Variants in SYNE1 observed in about 807,000 individuals in gnomAD.
The protein encoded by SYNE1 is nesprin-1.
A neutral mutation model predicts 1,111.0 loss-of-function variants in SYNE1; 616 were observed. That is an observed-to-expected ratio of 0.55 (90% CI 0.52 to 0.59). The LOEUF is 0.59. Among genes scored for constraint, SYNE1 ranks in the 20% least tolerant of loss-of-function variants. The pLI is 0.00. For missense variants in SYNE1, 10,006 were observed against 10,417.0 expected (o/e 0.96, Z 1.72); for synonymous variants, 3,855 against 3,825.8 (o/e 1.01, Z -0.28).
intron 117 of SYNE1, among the ~76,000 whole-genome samples, chr6:152,222,167 C>A (rs1233552206): frequency 3.3e-5 from 5 of 152,182 alleles, no homozygotes; most frequent in Non-Finnish European, 7.3e-5. Context: ...GGGATAGGGA[C>A]TGCGTTAGGG....
At chr6:152,455,267 C>T in intron 24 of SYNE1, among the ~76,000 whole-genome samples, 159 bp downstream of exon 24, 1 of 152,328 alleles carries the variant, frequency 6.6e-6, no homozygotes, top group South Asian at 2.1e-4. Flanking sequence ...GTTCTTTTTG[C>T]TCACCATATC....
At chr6:152,528,604 C>G (rs533835118) in intron 4 of SYNE1, among the ~76,000 whole-genome samples, 3 of 152,206 alleles carry the variant, frequency 2.0e-5, no homozygotes, top group African/African-American at 7.2e-5. Context: ...GGTCATAGTG[C>G]TGAAGGTCAA....
rs148247543 is a variant in SYNE1, at chr6:152,242,285, G to A, written c.19848C>T (p.Ile6616=). ...GCTGGATTTCCTCTTTGGAAGACAC[G>A]ATGATTTTCTGGTCTCCTGCCATCT... ...QEKMAGDQKI[I]VSSKEEIQQL... Residue 6616 remains isoleucine (I), a synonymous_variant, in exon 107 of 146, where the codon ATC becomes ATT. Transcript: ENST00000367255. 1.3e-5 allele frequency: 21 copies of A among 1,614,006 alleles called. No homozygotes were observed. Among genetic ancestry groups the A allele is most frequent in the African/African-American group, 1.1e-4 (8 of 74,976 alleles).
In SYNE1 at chr6:152,331,461, T is replaced by A. The variant is rs2096246403; in HGVS notation, c.13224A>T (p.Ala4408=). Residue 4408 remains alanine, a synonymous_variant, in exon 78 of 146, where the codon GCA becomes GCT. Coordinates refer to ENST00000367255, the MANE Select transcript of SYNE1 (RefSeq NM_182961.4). The part of the protein sequence containing the change: ...QMLLKSLIKD[A]DRVMADLGLN... ...GACCAAGATCTGCCATGACCCTGTC[T>A]GCGTCCTTTATAAGCGATTTCAGGA... The A allele has an allele frequency of 6.2e-7, 1 of 1,614,068 alleles. No homozygotes were observed. Among genetic ancestry groups the A allele is most frequent in the East Asian group, 2.2e-5 (1 of 44,890 alleles).
At chr6:152,472,472 A>T in intron 14 of SYNE1, 59 bp from the exon 15 acceptor site, 1 of 1,500,862 alleles carries the variant, frequency 6.7e-7, no homozygotes, top group Non-Finnish European at 9.3e-7. Context: ...GAGGGCTAAG[A>T]AGCATAATTT....
chr6:152,135,122 G>A lies in SYNE1; in HGVS notation c.25770C>T (p.Asp8590=), dbSNP rs772476317. ...DSNLDAEILQ[D]HHKQLMQIKH... Reference sequence around the variant, plus strand: ...ATCTTACCATAAGCTGTTTGTGATGGTCCTGAAGTATCTCTGCATCAAGGT... The same window carrying A: ...ATCTTACCATAAGCTGTTTGTGATGATCCTGAAGTATCTCTGCATCAAGGT... Residue 8590 remains aspartate, a synonymous_variant, in exon 142 of 146, where the codon GAC becomes GAT. Transcript: ENST00000367255. 3.1e-6 allele frequency: 5 copies of A among 1,614,102 alleles called. No homozygotes were observed. In the Admixed American group the frequency reaches 5.0e-5, roughly 16 times the overall value.
chr6:152,195,756 A>T (rs980387703), intron 127 of SYNE1, among the ~76,000 whole-genome samples: 6 of 152,172 alleles, frequency 3.9e-5, no homozygotes, highest in Non-Finnish European at 7.3e-5. Context: ...GTACTGGGTT[A>T]GGCCTGAAGC....
rs1378400021 is a variant in SYNE1 at position 152,430,647 on chromosome 6, C to A, written c.4524G>T (p.Gln1508His). Reference protein sequence around the residue: ...SSIVGLEEEAQSFAQFVTTGE... With the variant: ...SSIVGLEEEAHSFAQFVTTGE... ...CAGTGGTAACAAACTGAGCAAAAGACTGGGCTTCTTCTTCTAATCCTACAA... is the reference window on the plus strand; with the variant it reads ...CAGTGGTAACAAACTGAGCAAAAGAATGGGCTTCTTCTTCTAATCCTACAA... The change falls in exon 35 of 146, where the codon CAG (glutamine) becomes CAT (histidine). Residue 1508 changes from glutamine to histidine, a missense_variant. Gln to His is a conservative substitution (Grantham distance 24). Around this residue, in one of 7 missense-constraint regions of SYNE1, gnomAD observed 1,971 missense variants for 2,084.1 expected, o/e 0.95. Transcript: ENST00000367255. 6.2e-6 allele frequency: 10 copies of A among 1,613,996 alleles called. No homozygotes were observed. The Admixed American group carries it at 1.5e-4, about 24-fold the overall frequency.
At chr6:152,415,635 AGATG>A (rs1235985843) in intron 41 of SYNE1, among the ~76,000 whole-genome samples, 2 of 152,168 alleles carry the variant, frequency 1.3e-5, no homozygotes, top group Non-Finnish European at 2.9e-5. Flanking sequence ...TTGTTATAGA[AGATG>A]AATCCCTTCT....
chr6:152,348,541 C>T (rs532710806), intron 72 of SYNE1, among the ~76,000 whole-genome samples: 5 of 152,008 alleles, frequency 3.3e-5, no homozygotes, highest in South Asian at 4.2e-4. Context: ...AAAAGTTAGT[C>T]GGGCATGGTG....
intron 29 of SYNE1, among the ~76,000 whole-genome samples, 156 bp from the exon 30 acceptor site, chr6:152,444,734 C>T (rs983588482): frequency 2.6e-5 from 4 of 152,096 alleles, no homozygotes; most frequent in Admixed American, 1.3e-4. Context: ...GGCTAATTAG[C>T]CTGTCATCTC....
intron 127 of SYNE1, among the ~76,000 whole-genome samples, chr6:152,193,929 C>T (rs1458301197): frequency 2.0e-5 from 3 of 150,586 alleles, no homozygotes; most frequent in African/African-American, 7.3e-5. Context: ...AGGAGAATGG[C>T]ATGAACCCAG....
intron 3 of SYNE1, among the ~76,000 whole-genome samples, chr6:152,576,232 G>A (rs558144856): frequency 3.3e-5 from 5 of 152,276 alleles, no homozygotes; most frequent in African/African-American, 9.6e-5. Flanking sequence ...CTTGCTTTGC[G>A]TGAGCCAGTG....
At chr6:152,479,450 A>T (rs1313718392) in intron 14 of SYNE1, among the ~76,000 whole-genome samples, 2 of 152,350 alleles carry the variant, frequency 1.3e-5, no homozygotes, top group South Asian at 4.1e-4. Flanking sequence ...ATTAGTCAGT[A>T]TAATCACTCT....
intron 3 of SYNE1, among the ~76,000 whole-genome samples, chr6:152,610,139 A>G (rs1480816750): frequency 6.6e-6 from 1 of 152,236 alleles, no homozygotes; most frequent in Non-Finnish European, 1.5e-5. Context: ...CTGGACAGAG[A>G]ATGACTTTGG....
chr6:152,554,194 T>C (rs1251385148), intron 3 of SYNE1, among the ~76,000 whole-genome samples: 1 of 152,100 alleles, frequency 6.6e-6, no homozygotes, highest in African/African-American at 2.4e-5. Context: ...TACTAAGCTC[T>C]AAAAATTTAA....
chr6:152,455,982 TTGAC>T lies in SYNE1; in HGVS notation c.2627_2630del (p.Ser876LysfsTer7). The T allele has an allele frequency of 6.2e-7, 1 of 1,614,134 alleles. No individual in the cohort carries two copies. Among genetic ancestry groups the T allele is most frequent in the Non-Finnish European group, 8.5e-7 (1 of 1,180,010 alleles). On this transcript the variant is annotated frameshift_variant, in exon 23 of 146. Transcript: ENST00000367255. LOFTEE classifies it high-confidence loss of function. ...TCAAGGTCACAAACTTTTGAACACTTTGACTGCCTTTCTCAATAAGTGTCAAGGT... is the reference window on the plus strand; with the variant it reads ...TCAAGGTCACAAACTTTTGAACACTTTGCCTTTCTCAATAAGTGTCAAGGT...
intron 131 of SYNE1, among the ~76,000 whole-genome samples, chr6:152,160,766 C>T (rs921017271): frequency 6.6e-6 from 1 of 152,148 alleles, no homozygotes; most frequent in African/African-American, 2.4e-5. Context: ...TGTCTTCCAG[C>T]TCCCAGTATT....
At chr6:152,214,109 G>C (rs1179565718) in intron 122 of SYNE1, among the ~76,000 whole-genome samples, 1 of 150,834 alleles carries the variant, frequency 6.6e-6, no homozygotes, top group Non-Finnish European at 1.5e-5. Context: ...GCTGAGACAG[G>C]AGAATTGCTT....
Sources: allele counts gnomAD v4.1 joint callset (sites outside exome capture counted in the v4.1 genomes callset), GRCh38; gene constraint gnomAD v4.1.1; regional missense constraint gnomAD v4.1.1; transcripts MANE v1.5; gene names NCBI Gene and HGNC (gene_info 2026-07-23, HGNC 2026-07-21).